The following RIT2 variants were observed in gnomAD, a reference collection of about 807,000 sequenced individuals.
RIT2 encodes Ras like without CAAX 2.
In RIT2, 24 loss-of-function variants were observed where a neutral mutation model predicts 23.7. The ratio of observed to expected loss-of-function variants is 1.01; its 90% CI spans 0.73 to 1.43. The LOEUF is 1.43. RIT2 is among the 40% of genes most tolerant of loss of function. The pLI is 0.00. For missense variants in RIT2, 236 were observed against 266.9 expected, an observed-to-expected ratio of 0.88 and a Z score of 0.81; for synonymous variants, 107 against 91.1, an observed-to-expected ratio of 1.17 and a Z score of -0.99.
At chr18:43,039,886 T>C (rs6507510) in intron 1 of RIT2, among the ~76,000 whole-genome samples, 142,985 of 152,222 alleles carry the variant, frequency 0.94, 67,718 homozygotes, top group East Asian at 1. Context: ...TGAAAATGAG[T>C]AATTAATTTT....
In RIT2 at chr18:43,014,299, A is replaced by G. The variant is rs551910719; in HGVS notation, c.160+19512T>C. 3.3e-5 allele frequency among the ~76,000 whole-genome samples: 5 copies of G among 151,932 alleles called. No homozygotes were observed. In the South Asian group the frequency reaches 1.0e-3, roughly 32 times the overall value. ...AGGAGGAGAGGCATTGATATTAAGT[A>G]CAAAAAGAAATATAGTATTGCTTAA... is the stretch of plus-strand genomic sequence containing the variant. On this transcript the variant is annotated intron_variant, in intron 2 of 4. Transcript: ENST00000326695.
At chr18:42,848,576 T>C (rs1485918783) in intron 4 of RIT2, among the ~76,000 whole-genome samples, 2 of 152,210 alleles carry the variant, frequency 1.3e-5, no homozygotes, top group South Asian at 4.1e-4. Context: ...GTAGGAATTA[T>C]TATTATCATA....
chr18:42,759,633 C>T (rs1913249841), intron 4 of RIT2, among the ~76,000 whole-genome samples: 1 of 151,330 alleles, frequency 6.6e-6, no homozygotes, highest in African/African-American at 2.4e-5. Flanking sequence ...TTAGAGGCTG[C>T]TGCCATTTTT....
chr18:42,853,834 C>T (rs1347388352), intron 4 of RIT2, among the ~76,000 whole-genome samples: 4 of 152,054 alleles, frequency 2.6e-5, no homozygotes, highest in African/African-American at 9.7e-5. Context: ...TGTGTCAAAC[C>T]TAAAAATAGG....
chr18:43,004,742 T>C (rs1391866444), intron 2 of RIT2, among the ~76,000 whole-genome samples: 4 of 151,918 alleles, frequency 2.6e-5, no homozygotes, highest in Non-Finnish European at 4.4e-5. Flanking sequence ...AAAGTAATAA[T>C]TGCCCTTTGC....
At chr18:42,787,116 C>T (rs979982788) in intron 4 of RIT2, among the ~76,000 whole-genome samples, 1 of 146,112 alleles carries the variant, frequency 6.8e-6, no homozygotes, top group Non-Finnish European at 1.5e-5. Context: ...TCTCCTAATG[C>T]TATCCCTCCC....
intron 1 of RIT2, among the ~76,000 whole-genome samples, chr18:43,088,588 CT>C (rs1349731919): frequency 8.5e-5 from 13 of 152,124 alleles, no homozygotes; most frequent in African/African-American, 3.1e-4. Context: ...CATTTCATGA[CT>C]TTTATTAACA....
intron 1 of RIT2, among the ~76,000 whole-genome samples, chr18:43,049,365 G>A (rs1193658078): frequency 1.3e-5 from 2 of 152,130 alleles, no homozygotes; most frequent in Non-Finnish European, 2.9e-5. Flanking sequence ...GACAGCTCTA[G>A]CTCAATTTCT....
intron 4 of RIT2, among the ~76,000 whole-genome samples, chr18:42,882,833 G>T (rs749908404): frequency 4.6e-5 from 7 of 152,240 alleles, no homozygotes; most frequent in Non-Finnish European, 1.0e-4. Flanking sequence ...TGGGAATGGT[G>T]CTTTGTAGTT....
intron 1 of RIT2, among the ~76,000 whole-genome samples, chr18:43,048,643 C>T (rs1336143019): frequency 6.6e-6 from 1 of 152,086 alleles, no homozygotes; most frequent in Admixed American, 6.6e-5. Flanking sequence ...TAAACATTTA[C>T]TGAGTTTACT....
chr18:42,883,100 GAAAT>G (rs994392479), intron 4 of RIT2, among the ~76,000 whole-genome samples: 24 of 151,990 alleles, frequency 1.6e-4, no homozygotes, highest in Admixed American at 1.4e-3. Flanking sequence ...TGCAAATAAA[GAAAT>G]AAATGGAAGT....
intron 4 of RIT2, among the ~76,000 whole-genome samples, chr18:42,832,287 T>C (rs544702509): frequency 3.9e-5 from 6 of 152,328 alleles, no homozygotes; most frequent in Middle Eastern, 3.4e-3. Context: ...TCTGTAGCAG[T>C]AGTAAATAGC....
chr18:42,836,310 T>C (rs1446066550), intron 4 of RIT2, among the ~76,000 whole-genome samples: 1 of 152,156 alleles, frequency 6.6e-6, no homozygotes, highest in East Asian at 1.9e-4. Flanking sequence ...ATTTTAGATA[T>C]AGTATCATCA....
intron 3 of RIT2, among the ~76,000 whole-genome samples, chr18:42,927,518 A>G (rs1261279717): frequency 6.6e-6 from 1 of 151,868 alleles, no homozygotes; most frequent in Non-Finnish European, 1.5e-5. Flanking sequence ...TTAAAAGGAA[A>G]AATGCTGTGT....
chr18:42,813,442 G>A (rs1174652121), intron 4 of RIT2, among the ~76,000 whole-genome samples: 2 of 151,960 alleles, frequency 1.3e-5, no homozygotes, highest in Non-Finnish European at 2.9e-5. Context: ...TTTTGGCATT[G>A]CAGTTTTATG....
intron 4 of RIT2, among the ~76,000 whole-genome samples, chr18:42,871,363 TAA>T (rs1056816384): frequency 6.6e-6 from 1 of 152,184 alleles, no homozygotes; most frequent in Non-Finnish European, 1.5e-5. Context: ...GATGTGAATT[TAA>T]GTGTGTGTTT....
At chr18:42,775,359 C>G (rs1452412321) in intron 4 of RIT2, among the ~76,000 whole-genome samples, 1 of 152,072 alleles carries the variant, frequency 6.6e-6, no homozygotes, top group Non-Finnish European at 1.5e-5. Context: ...AACTATGTGT[C>G]CAGAAGGTAG....
At chr18:42,981,244 A>C (rs1307225345) in intron 2 of RIT2, among the ~76,000 whole-genome samples, 3 of 152,146 alleles carry the variant, frequency 2.0e-5, no homozygotes, top group Non-Finnish European at 4.4e-5. Context: ...AAATGGCTTT[A>C]TGATCCTAAG....
intron 1 of RIT2, among the ~76,000 whole-genome samples, chr18:43,075,210 T>C (rs1415350075): frequency 1.3e-5 from 2 of 152,214 alleles, no homozygotes; most frequent in Admixed American, 6.5e-5. Flanking sequence ...TCATATTCCC[T>C]GCTATATTTA....
Sources: gnomAD v4.1 joint callset for allele counts (sites outside exome capture counted in the v4.1 genomes callset) on GRCh38, gnomAD v4.1.1 for gene constraint, MANE v1.5 for transcripts, NCBI Gene and HGNC (gene_info 2026-07-23, HGNC 2026-07-21) for gene names.